SUDS3: variants seen among roughly 807,000 people sequenced by gnomAD.
The protein encoded by SUDS3 is sin3 histone deacetylase corepressor complex component SDS3.
A neutral mutation model predicts 53.5 loss-of-function variants in SUDS3; 23 were observed. The ratio of observed to expected loss-of-function variants is 0.43; its 90% confidence interval spans 0.31 to 0.61. The LOEUF (loss-of-function observed/expected upper bound fraction) is 0.61, where lower values mean the gene tolerates loss of function less well. Among genes scored for constraint, SUDS3 ranks in the 20% least tolerant of loss-of-function variants. The pLI, the probability that SUDS3 is intolerant of heterozygous loss-of-function variation, is 0.10. For synonymous variants in SUDS3, 150 were observed against 148.5 expected (o/e 1.01, Z -0.08); for missense variants, 291 against 405.9 (o/e 0.72, Z 2.43).
At chr12:118,406,849 C>T (rs914180464) in intron 10 of SUDS3, among the ~76,000 whole-genome samples, 1 of 138,836 alleles carries the variant, frequency 7.2e-6, no homozygotes, top group African/African-American at 2.7e-5. Context: ...AAGGTTGTCA[C>T]ATACTTCTTG....
Position 118,415,493 on chromosome 12 carries a change from C to T in SUDS3, c.*1060C>T, listed in dbSNP as rs1178521266. 1 of 152,148 alleles carries T rather than the reference C, an allele frequency of 6.6e-6. No homozygotes were observed. The highest frequency in any genetic ancestry group is 1.5e-5 in the Non-Finnish European group (1 of 68,056). The allele number at this position is 152,148 out of a possible 1,614,324, so 9.4% of individuals were successfully genotyped here. On this transcript the variant is annotated 3_prime_UTR_variant, in exon 12 of 12. Coordinates refer to ENST00000543473, the MANE Select transcript of SUDS3 (RefSeq NM_022491.3). ...AAGGAAAGCTCTGCTGTGGCTGCCT[C>T]TGGACTGACACCCTCCCTAATGAGT...
intron 10 of SUDS3, among the ~76,000 whole-genome samples, chr12:118,408,452 G>A (rs918763571): frequency 6.6e-6 from 1 of 151,694 alleles, no homozygotes; most frequent in African/African-American, 2.4e-5. Context: ...TTGTGCTTCA[G>A]CCTCCCGAGT....
chr12:118,376,727 CCAGGCT>C lies in SUDS3; in HGVS notation c.37_42del (p.Gln13_Ala14del). 1 of 1,530,964 alleles carries C rather than the reference CCAGGCT, an allele frequency of 6.5e-7. No homozygotes were observed. 94.8% of individuals were successfully genotyped at this position (1,530,964 alleles called of 1,614,324 possible). On this transcript the variant is annotated inframe_deletion, in exon 1 of 12. Coordinates refer to ENST00000543473, the MANE Select transcript of SUDS3 (RefSeq NM_022491.3). Reference sequence around the variant, plus strand: ...CGGGGCTGCTGGCCCCGGCCCCGGCCCAGGCTGGAGCGCCGCCGGCCCCCGAGTACT... The same window carrying C: ...CGGGGCTGCTGGCCCCGGCCCCGGCCGGAGCGCCGCCGGCCCCCGAGTACT...
At chr12:118,382,346 C>T (rs527469155) in intron 2 of SUDS3, among the ~76,000 whole-genome samples, 1 of 79,104 alleles carries the variant, frequency 1.3e-5, no homozygotes, top group African/African-American at 1.0e-4. Context: ...TCGTGCCAGG[C>T]CACTTTTTTT....
At chr12:118,393,028 G>A (rs761332637) in intron 6 of SUDS3, among the ~76,000 whole-genome samples, 12 of 152,174 alleles carry the variant, frequency 7.9e-5, no homozygotes, top group Non-Finnish European at 1.3e-4. Flanking sequence ...TTTAAAGCTA[G>A]CCATGGGCAT....
chr12:118,391,867 A>G (rs2046171230), intron 6 of SUDS3, among the ~76,000 whole-genome samples: 1 of 152,218 alleles, frequency 6.6e-6, no homozygotes, highest in East Asian at 1.9e-4. Context: ...TTCCAACAGG[A>G]TAGCCAAACT....
intron 4 of SUDS3, 75 bp downstream of exon 4, chr12:118,386,260 C>G: frequency 8.5e-7 from 1 of 1,179,026 alleles, no homozygotes; most frequent in Admixed American, 2.2e-5. Context: ...TAATGCAGCC[C>G]TAAGAGCTAT....
intron 6 of SUDS3, among the ~76,000 whole-genome samples, chr12:118,396,336 A>C (rs573658015): frequency 6.6e-6 from 1 of 151,912 alleles, no homozygotes; most frequent in Non-Finnish European, 1.5e-5. Flanking sequence ...GCTCACTGCA[A>C]CCTCTGCCTC....
At chr12:118,382,663 A>G (rs1331758277) in intron 2 of SUDS3, among the ~76,000 whole-genome samples, 1 of 134,930 alleles carries the variant, frequency 7.4e-6, no homozygotes, top group Non-Finnish European at 1.6e-5. Context: ...CAATGTGCCC[A>G]GCCTTTTTTT....
intron 9 of SUDS3, chr12:118,402,327 A>G (rs2046270535): frequency 2.7e-6 from 1 of 374,082 alleles, no homozygotes; most frequent in East Asian, 5.1e-5. Context: ...ATGAAACCAG[A>G]AGGATTTTTA....
rs1237196803 is a variant in SUDS3 at position 118,416,243 on chromosome 12, C to T, written c.*1810C>T. The T allele has an allele frequency of 2.0e-5, 3 of 152,104 alleles. No individual in the cohort carries two copies. Among genetic ancestry groups the T allele is most frequent in the Middle Eastern group, 3.2e-3 (1 of 316 alleles). 9.4% of individuals were successfully genotyped at this position (152,104 alleles called of 1,614,324 possible). On this transcript the variant is annotated 3_prime_UTR_variant, in exon 12 of 12. Coordinates refer to ENST00000543473, the MANE Select transcript of SUDS3 (RefSeq NM_022491.3). ...AATTAGATATATTTCATGTATTTTT[C>T]CATTGAAGGTGGAGTTTTTCAATGA...
chr12:118,411,267 C>T, intron 11 of SUDS3, 110 bp downstream of exon 11: 4 of 915,040 alleles, frequency 4.4e-6, no homozygotes, highest in Non-Finnish European at 1.7e-6. Context: ...GGAGTACTGT[C>T]TTCTATGTGG....
intron 1 of SUDS3, among the ~76,000 whole-genome samples, chr12:118,378,095 G>A (rs1478078101): frequency 6.6e-6 from 1 of 152,112 alleles, no homozygotes; most frequent in Non-Finnish European, 1.5e-5. Flanking sequence ...GGGGCGCTGT[G>A]GAGCCAAAAT....
At chr12:118,398,205 T>A (rs1354864621) in intron 6 of SUDS3, among the ~76,000 whole-genome samples, 1 of 152,170 alleles carries the variant, frequency 6.6e-6, no homozygotes. Context: ...TTCACACATA[T>A]CATCACATGT....
intron 9 of SUDS3, among the ~76,000 whole-genome samples, 180 bp from the exon 10 acceptor site, chr12:118,403,232 T>A (rs1322485603): frequency 6.6e-6 from 1 of 152,188 alleles, no homozygotes; most frequent in Non-Finnish European, 1.5e-5. Context: ...CAGGGTTGCT[T>A]TGATGATCAA....
At chr12:118,402,178 C>CT (rs200388274) in intron 9 of SUDS3, 174 bp downstream of exon 9, 7,408 of 600,360 alleles carry the variant, frequency 0.012, 216 homozygotes, top group African/African-American at 0.083. Context: ...TCCCTGATTT[C>CT]TTTTTTTTTC....
intron 6 of SUDS3, among the ~76,000 whole-genome samples, chr12:118,398,470 GGTGT>G (rs143847475): frequency 1.3e-5 from 2 of 150,834 alleles, no homozygotes; most frequent in Admixed American, 6.6e-5. Flanking sequence ...ACTTGTTTCT[GGTGT>G]GTGTGTGTGT....
At chr12:118,396,860 C>A (rs1364144133) in intron 6 of SUDS3, among the ~76,000 whole-genome samples, 1 of 152,140 alleles carries the variant, frequency 6.6e-6, no homozygotes, top group Admixed American at 6.5e-5. Context: ...CCTGAGCTCC[C>A]ATTTTTTAGA....
At chr12:118,406,707 TA>T (rs146517978) in intron 10 of SUDS3, among the ~76,000 whole-genome samples, 4 of 148,338 alleles carry the variant, frequency 2.7e-5, no homozygotes, top group South Asian at 2.1e-4. Flanking sequence ...TTAATTGGCC[TA>T]AAAAAAAAAC....
Sources: allele counts gnomAD v4.1 joint callset (sites outside exome capture counted in the v4.1 genomes callset), GRCh38; gene constraint gnomAD v4.1.1; transcripts MANE v1.5; gene names NCBI Gene and HGNC (gene_info 2026-07-23, HGNC 2026-07-21).